MCF2L2: variants seen among roughly 807,000 people sequenced by gnomAD.
The protein encoded by MCF2L2 is probable guanine nucleotide exchange factor MCF2L2.
A neutral mutation model predicts 150.2 loss-of-function variants in MCF2L2; 102 were observed. That is an observed-to-expected ratio of 0.68 (90% confidence interval 0.58 to 0.80). MCF2L2 has a LOEUF of 0.80. Among genes scored for constraint, MCF2L2 ranks in the 30% least tolerant of loss-of-function variants. MCF2L2 has a pLI of 0.00. For synonymous variants in MCF2L2, 465 were observed against 491.3 expected, an observed-to-expected ratio of 0.95 and a Z score of 0.71; for missense variants, 1,256 against 1,372.8, an observed-to-expected ratio of 0.91 and a Z score of 1.34.
At chr3:183,419,752 A>G (rs1715782511) in intron 1 of MCF2L2, among the ~76,000 whole-genome samples, 1 of 152,212 alleles carries the variant, frequency 6.6e-6, no homozygotes, top group Non-Finnish European at 1.5e-5. Flanking sequence ...ATGCACCTGT[A>G]GTCCCAGCTA....
chr3:183,318,222 A>G lies in MCF2L2; in HGVS notation c.604-5T>C, dbSNP rs371631728. 4 of 1,614,084 alleles carry G rather than the reference A, an allele frequency of 2.5e-6. No individual in the cohort carries two copies. Among genetic ancestry groups the G allele is most frequent in the Non-Finnish European group, 3.4e-6 (4 of 1,180,020 alleles). On this transcript the variant is annotated splice_region_variant and splice_polypyrimidine_tract_variant and intron_variant, in intron 6 of 29. Transcript: ENST00000328913. The stretch of plus-strand genomic sequence containing the variant: ...CAAGGCAAAGTTTTCGATGGCCTGG[A>G]AGGTCAGACAATTGTAACAATATGG...
chr3:183,369,733 C>T (rs1219063593), intron 3 of MCF2L2, among the ~76,000 whole-genome samples: 1 of 152,118 alleles, frequency 6.6e-6, no homozygotes, highest in Non-Finnish European at 1.5e-5. Flanking sequence ...ATAAAGCTCT[C>T]CTTTCCAAAT....
intron 3 of MCF2L2, among the ~76,000 whole-genome samples, chr3:183,342,256 A>G (rs941800085): frequency 5.9e-5 from 9 of 151,992 alleles, no homozygotes; most frequent in African/African-American, 1.9e-4. Context: ...AAGTGAAAAC[A>G]TTTTTTTTCT....
chr3:183,415,596 G>A (rs1366473954), intron 1 of MCF2L2, among the ~76,000 whole-genome samples: 1 of 152,042 alleles, frequency 6.6e-6, no homozygotes, highest in Non-Finnish European at 1.5e-5. Flanking sequence ...GATAGATTAA[G>A]CCTTTTATCA....
In MCF2L2 at chr3:183,267,417, A is replaced by G. The variant is rs1421637078; in HGVS notation, c.1862+9455T>C. 6.6e-6 allele frequency among the ~76,000 whole-genome samples: 1 copy of G among 152,198 alleles called. No homozygotes were observed. Among genetic ancestry groups the G allele is most frequent in the Non-Finnish European group, 1.5e-5 (1 of 68,036 alleles). On this transcript the variant is annotated intron_variant, in intron 15 of 29. Transcript: ENST00000328913. This position sits in a 1 kb window ranked among gnomAD's most constrained non-coding sequence, Gnocchi z 5.5. The stretch of plus-strand genomic sequence containing the variant: ...TGTGGAGTGATCATGGGGGTGGGAA[A>G]TATAGCTGGATCCGAAAGCTCTGAA...
chr3:183,344,124 A>C (rs145622062), intron 3 of MCF2L2, among the ~76,000 whole-genome samples: 20 of 151,972 alleles, frequency 1.3e-4, no homozygotes, highest in East Asian at 3.9e-4. Flanking sequence ...AAACCAAAAC[A>C]AAAACAAAAC....
At chr3:183,228,500 C>G (rs1361507722) in intron 17 of MCF2L2, 134 bp from the exon 18 acceptor site, 1 of 505,934 alleles carries the variant, frequency 2.0e-6, no homozygotes, top group African/African-American at 2.0e-5. Context: ...CTCTTATCTT[C>G]TACACATTGA....
intron 3 of MCF2L2, among the ~76,000 whole-genome samples, chr3:183,361,055 A>AAGAC (rs2108565711): frequency 9.1e-6 from 1 of 110,038 alleles, no homozygotes; most frequent in African/African-American, 4.8e-5. Flanking sequence ...AAAGGAAAGG[A>AAGAC]AAGACCAGAT....
chr3:183,312,021 G>A (rs181664226), intron 7 of MCF2L2, among the ~76,000 whole-genome samples: 5 of 152,228 alleles, frequency 3.3e-5, no homozygotes, highest in Admixed American at 2.6e-4. Flanking sequence ...ATCAACATCT[G>A]CTTTTTGTAT....
intron 3 of MCF2L2, among the ~76,000 whole-genome samples, chr3:183,361,486 G>A (rs1333597751): frequency 6.6e-6 from 1 of 152,248 alleles, no homozygotes; most frequent in East Asian, 1.9e-4. Context: ...GAGATCTGAT[G>A]GTTTAAAAGT....
At chr3:183,233,897 TTC>T (rs1234534421) in intron 15 of MCF2L2, among the ~76,000 whole-genome samples, 1 of 152,240 alleles carries the variant, frequency 6.6e-6, no homozygotes, top group Non-Finnish European at 1.5e-5. Context: ...CAGCTCATTA[TTC>T]TTTCTTATAA....
chr3:183,183,934 A>ACACC (rs1356188405), intron 27 of MCF2L2, among the ~76,000 whole-genome samples: 2 of 151,988 alleles, frequency 1.3e-5, no homozygotes, highest in Non-Finnish European at 2.9e-5. Context: ...ACACACACAC[A>ACACC]CCCCTCAGAA....
chr3:183,401,364 T>G (rs1440214873), intron 1 of MCF2L2, among the ~76,000 whole-genome samples: 2 of 152,194 alleles, frequency 1.3e-5, no homozygotes, highest in African/African-American at 4.8e-5. Context: ...TCATTCAAGC[T>G]AAAATTTCAG....
At chr3:183,253,288 A>G (rs1724682812) in intron 15 of MCF2L2, 1 of 138,512 alleles carries the variant, frequency 7.2e-6, no homozygotes, top group Admixed American at 7.2e-5. Flanking sequence ...AAGCGAGCCC[A>G]GTCCAGCGCT....
In MCF2L2 at chr3:183,409,440, C is replaced by G. The variant is rs376377130; in HGVS notation, c.76+18462G>C. On this transcript the variant is annotated intron_variant, in intron 1 of 29. Coordinates refer to ENST00000328913, the MANE Select transcript of MCF2L2 (RefSeq NM_015078.4). The stretch of plus-strand genomic sequence containing the variant: ...TAACCTGCTTAAGCCTCAAATTTCT[C>G]CTCCATATAAATAGACTGCACTTAC... 3.9e-5 allele frequency among the ~76,000 whole-genome samples: 6 copies of G among 152,164 alleles called. No homozygotes were observed. The East Asian group carries it at 5.8e-4, about 15-fold the overall frequency.
Position 183,309,822 on chromosome 3 carries a change from A to C in MCF2L2, c.1007T>G (p.Leu336Arg), listed in dbSNP as rs1393539790. 2 of 1,613,766 alleles carry C rather than the reference A, an allele frequency of 1.2e-6. No individual in the cohort carries two copies. The highest frequency in any genetic ancestry group is 2.2e-5 in the East Asian group (1 of 44,868). The change falls in exon 10 of 30, where the codon CTG becomes CGG. Residue 336 changes from leucine to arginine, a missense_variant. Physicochemically the swap from Leu to Arg is moderately radical, Grantham distance 102. Coordinates refer to ENST00000328913, the MANE Select transcript of MCF2L2 (RefSeq NM_015078.4). ...EHDFCKAKLA[L>R]DNLLEEQAEF... Reference sequence around the variant, plus strand: ...TGCTTGCTCTTCCAGCAAATTATCCAGGGCAAGCTTAGCCTACAAGAAACA... The same window carrying C: ...TGCTTGCTCTTCCAGCAAATTATCCCGGGCAAGCTTAGCCTACAAGAAACA...
chr3:183,389,816 T>A (rs745738730), intron 1 of MCF2L2, 37 bp from the exon 2 acceptor site: 4 of 1,496,604 alleles, frequency 2.7e-6, no homozygotes, highest in Non-Finnish European at 3.7e-6. Context: ...TAGTTAAACA[T>A]GTGCAAATTA....
chr3:183,314,508 C>T (rs1036002182), intron 7 of MCF2L2, among the ~76,000 whole-genome samples: 13 of 152,060 alleles, frequency 8.5e-5, no homozygotes, highest in African/African-American at 2.9e-4. Flanking sequence ...CAATGGCTCT[C>T]CTATTCTGTT....
At chr3:183,384,873 T>C (rs745344922) in intron 2 of MCF2L2, among the ~76,000 whole-genome samples, 6 of 152,170 alleles carry the variant, frequency 3.9e-5, no homozygotes, top group South Asian at 4.1e-4. Context: ...CTTGCAGATA[T>C]AGTATCTATA....
Sources: gnomAD v4.1 joint callset for allele counts (sites outside exome capture counted in the v4.1 genomes callset) on GRCh38, gnomAD v4.1.1 for gene constraint, Gnocchi (gnomAD v3.1) non-coding constraint, MANE v1.5 for transcripts, NCBI Gene and HGNC (gene_info 2026-07-23, HGNC 2026-07-21) for gene names.